PFDN4: variants seen among roughly 807,000 people sequenced by gnomAD.
PFDN4 encodes the protein prefoldin 4.
PFDN4 carries 6 observed loss-of-function variants against 17.6 expected under a neutral mutation model. The ratio of observed to expected loss-of-function variants is 0.34; its 90% CI spans 0.19 to 0.67. The LOEUF is 0.67. PFDN4 is among the 30% of genes least tolerant of loss of function. PFDN4 has a pLI of 0.68. For synonymous variants in PFDN4, 48 were observed against 51.1 expected, an observed-to-expected ratio of 0.94 and a Z score of 0.26; for missense variants, 119 against 158.4, an observed-to-expected ratio of 0.75 and a Z score of 1.33.
chr20:54,208,414 G>T, intron 1 of PFDN4: 4 of 402,404 alleles, frequency 9.9e-6, no homozygotes, highest in Non-Finnish European at 1.8e-5. Context: ...GGAGTCTGAG[G>T]AACCTGCAGC....
At chr20:54,209,593 C>T (rs1228227461) in intron 1 of PFDN4, among the ~76,000 whole-genome samples, 3 of 152,074 alleles carry the variant, frequency 2.0e-5, no homozygotes, top group Non-Finnish European at 4.4e-5. Context: ...TAAATTGGGC[C>T]CTCTGGTGTT....
At chr20:54,210,081 A>C (rs934782447) in intron 1 of PFDN4, among the ~76,000 whole-genome samples, 6 of 152,238 alleles carry the variant, frequency 3.9e-5, no homozygotes, top group Admixed American at 6.5e-5. Context: ...ATGTAAGGAA[A>C]GGAAGGGAGA....
At chr20:54,218,002 T>C (rs2092764878) in intron 3 of PFDN4, among the ~76,000 whole-genome samples, 1 of 152,176 alleles carries the variant, frequency 6.6e-6, no homozygotes, top group Non-Finnish European at 1.5e-5. Flanking sequence ...GACACTGGTC[T>C]CGGGGCCACC....
chr20:54,217,134 G>T (rs2092763606), intron 3 of PFDN4, among the ~76,000 whole-genome samples: 2 of 152,142 alleles, frequency 1.3e-5, no homozygotes, highest in South Asian at 4.1e-4. Flanking sequence ...AACTGATAAT[G>T]AGTAGAAAGT....
chr20:54,208,152 G>C, intron 1 of PFDN4, 28 bp downstream of exon 1: 2 of 1,526,988 alleles, frequency 1.3e-6, no homozygotes, highest in East Asian at 2.6e-5. Flanking sequence ...GGCTCTGGAT[G>C]CTCGGGCGGC....
intron 1 of PFDN4, among the ~76,000 whole-genome samples, chr20:54,213,134 AGTGTGAATGTTGTGAG>A (rs2092758199): frequency 6.6e-6 from 1 of 152,230 alleles, no homozygotes; most frequent in Non-Finnish European, 1.5e-5. Context: ...TCAGGGATGG[AGTGTGAATGTTGTGAG>A]CTCATTACTG....
chr20:54,208,152 G>A (rs931615291), intron 1 of PFDN4, 28 bp downstream of exon 1: 14 of 1,526,874 alleles, frequency 9.2e-6, no homozygotes, highest in Non-Finnish European at 1.1e-5. Context: ...GGCTCTGGAT[G>A]CTCGGGCGGC....
At chr20:54,217,190 A>G (rs1207562033) in intron 3 of PFDN4, among the ~76,000 whole-genome samples, 2 of 152,114 alleles carry the variant, frequency 1.3e-5, no homozygotes, top group African/African-American at 4.8e-5. Flanking sequence ...AGAGGAATCT[A>G]CACTAGTCTG....
chr20:54,213,459 C>A (rs184057069), intron 1 of PFDN4, among the ~76,000 whole-genome samples: 1 of 152,090 alleles, frequency 6.6e-6, no homozygotes, highest in Non-Finnish European at 1.5e-5. Flanking sequence ...ATTCAGTTAC[C>A]GAGAACTCAT....
chr20:54,208,373 C>G (rs953307893), intron 1 of PFDN4: 3 of 428,052 alleles, frequency 7.0e-6, no homozygotes, highest in African/African-American at 6.3e-5. Flanking sequence ...GGACGCAGGT[C>G]CGCCTCCCGC....
intron 1 of PFDN4, among the ~76,000 whole-genome samples, chr20:54,211,088 C>G (rs920434703): frequency 5.3e-5 from 8 of 151,834 alleles, no homozygotes; most frequent in African/African-American, 1.9e-4. Flanking sequence ...GTCTCAAAAA[C>G]AAAAAAACAA....
intron 3 of PFDN4, among the ~76,000 whole-genome samples, chr20:54,217,318 A>C (rs757152008): frequency 6.6e-6 from 1 of 152,128 alleles, no homozygotes; most frequent in South Asian, 2.1e-4. Flanking sequence ...GTGAGAAGCA[A>C]CATGTGTGAA....
At chr20:54,214,507 A>G (rs975253367) in intron 2 of PFDN4, 49 bp downstream of exon 2, 11 of 792,356 alleles carry the variant, frequency 1.4e-5, no homozygotes, top group Non-Finnish European at 2.1e-5. Context: ...TACTATAGCT[A>G]CTAAAACTGA....
intron 3 of PFDN4, 115 bp from the exon 4 acceptor site, chr20:54,218,904 C>G (rs1421026233): frequency 4.7e-6 from 3 of 631,842 alleles, no homozygotes; most frequent in Non-Finnish European, 8.1e-6. Flanking sequence ...TACTTAGCTG[C>G]CTGTCCAAGT....
intron 3 of PFDN4, 89 bp from the exon 4 acceptor site, chr20:54,218,930 C>A: frequency 1.2e-6 from 1 of 833,078 alleles, no homozygotes; most frequent in Non-Finnish European, 1.9e-6. Flanking sequence ...AGGTTCTTGA[C>A]CTAAAATTCT....
In PFDN4 at chr20:54,219,462, A is replaced by C. The variant is rs903674505; in HGVS notation, c.*312A>C. On this transcript the variant is annotated 3_prime_UTR_variant, in exon 4 of 4. Coordinates refer to ENST00000371419, the MANE Select transcript of PFDN4 (RefSeq NM_002623.4). The stretch of plus-strand genomic sequence containing the variant: ...ATATTTGTTGTTGCAATTTTCACAT[A>C]AGAAAATTTAACAGTTGTGTCATGT... The C allele has an allele frequency of 2.7e-6, 1 of 376,186 alleles. No homozygotes were observed. The highest frequency in any genetic ancestry group is 4.6e-6 in the Non-Finnish European group (1 of 215,914). 23.3% of individuals were successfully genotyped at this position (376,186 alleles called of 1,614,324 possible). A position where few individuals can be genotyped will look rare whatever the true frequency, so the allele number is the denominator to read the frequency against.
At position 54,219,328 on chromosome 20, in the gene PFDN4, G is replaced by C; in HGVS notation, c.*178G>C. The C allele has an allele frequency of 2.0e-6, 1 of 492,288 alleles. No homozygotes were observed. Among genetic ancestry groups the C allele is most frequent in the Non-Finnish European group, 3.5e-6 (1 of 282,148 alleles). The allele number at this position is 492,288 out of a possible 1,614,324, so 30.5% of individuals were successfully genotyped here. A position where few individuals can be genotyped will look rare whatever the true frequency, so the allele number is the denominator to read the frequency against. ...TATTTATTTTATATTTTTAAAAGAA[G>C]ACAGTATTCACCTATGTATTTTGCA... On this transcript the variant is annotated 3_prime_UTR_variant, in exon 4 of 4. Transcript: ENST00000371419.
At chr20:54,214,120 A>G (rs556131243) in intron 1 of PFDN4, among the ~76,000 whole-genome samples, 2 of 152,238 alleles carry the variant, frequency 1.3e-5, no homozygotes, top group East Asian at 1.9e-4. Flanking sequence ...TATGTTTGCA[A>G]TATGTTTATA....
chr20:54,215,032 T>C (rs1377148513), intron 2 of PFDN4, among the ~76,000 whole-genome samples: 7 of 152,214 alleles, frequency 4.6e-5, no homozygotes, highest in Non-Finnish European at 1.5e-5. Flanking sequence ...AAGTCAAAAA[T>C]TGTTAAAATA....
Sources: gnomAD v4.1 joint callset for allele counts (sites outside exome capture counted in the v4.1 genomes callset) on GRCh38, gnomAD v4.1.1 for gene constraint, MANE v1.5 for transcripts, NCBI Gene and HGNC (gene_info 2026-07-23, HGNC 2026-07-21) for gene names.